The following ZNF804A variants were observed in gnomAD, a reference collection of about 807,000 sequenced individuals.
The protein encoded by ZNF804A is zinc finger protein 804A.
ZNF804A carries 2 observed loss-of-function variants against 16.5 expected under a neutral mutation model. That is an observed-to-expected ratio of 0.12 (90% CI 0.05 to 0.38). ZNF804A has a LOEUF of 0.38. Ranked by LOEUF, ZNF804A falls within the 10% of genes least tolerant of loss-of-function variation. The pLI is 0.99. For missense variants in ZNF804A, 1,473 were observed against 1,390.7 expected (o/e 1.06, Z -0.94); for synonymous variants, 534 against 489.6 (o/e 1.09, Z -1.20).
At chr2:184,818,688 TC>T (rs1429862231) in intron 1 of ZNF804A, among the ~76,000 whole-genome samples, 1 of 150,616 alleles carries the variant, frequency 6.6e-6, no homozygotes, top group African/African-American at 2.4e-5. Flanking sequence ...AGACATAGGC[TC>T]AAAAAAAAGG....
chr2:184,628,100 A>T (rs1448631603), intron 1 of ZNF804A, among the ~76,000 whole-genome samples: 1 of 152,150 alleles, frequency 6.6e-6, no homozygotes, highest in Non-Finnish European at 1.5e-5. Context: ...GGATCACCTC[A>T]GGTCTGGAGT....
At chr2:184,900,075 A>C (rs1685154304) in intron 2 of ZNF804A, among the ~76,000 whole-genome samples, 2 of 152,080 alleles carry the variant, frequency 1.3e-5, no homozygotes, top group South Asian at 4.1e-4. Flanking sequence ...TCTAAGAAAA[A>C]TTTTTACATG....
chr2:184,731,942 T>C (rs955727973), intron 1 of ZNF804A, among the ~76,000 whole-genome samples: 1 of 152,166 alleles, frequency 6.6e-6, no homozygotes, highest in Admixed American at 6.5e-5. Flanking sequence ...TCTTTGTATA[T>C]TTTGATAACA....
At chr2:184,777,947 A>G (rs1472392541) in intron 1 of ZNF804A, among the ~76,000 whole-genome samples, 1 of 151,720 alleles carries the variant, frequency 6.6e-6, no homozygotes, top group Non-Finnish European at 1.5e-5. Context: ...TGAACAGCAT[A>G]CTGTAATATA....
At chr2:184,613,472 C>T (rs78383441) in intron 1 of ZNF804A, among the ~76,000 whole-genome samples, 1 of 152,204 alleles carries the variant, frequency 6.6e-6, no homozygotes, top group Non-Finnish European at 1.5e-5. Flanking sequence ...TTCTGGCCGA[C>T]CAATATAATA....
At position 184,734,536 on chromosome 2, in the gene ZNF804A, T is replaced by C. The variant is rs1693578606; in HGVS notation, c.112-131833T>C. On this transcript the variant is annotated intron_variant, in intron 1 of 3. Transcript: ENST00000302277. ...CATTGTGGTCTGTGAGTAAACATTA[T>C]ATGATTCCTCTTATTTTATGATTTG... 1.3e-5 allele frequency among the ~76,000 whole-genome samples: 2 copies of C among 152,338 alleles called. 1 individual carries two copies. The highest frequency in any genetic ancestry group is 4.1e-4 in the South Asian group (2 of 4,828).
At chr2:184,830,371 G>T (rs367636789) in intron 1 of ZNF804A, among the ~76,000 whole-genome samples, 4 of 152,076 alleles carry the variant, frequency 2.6e-5, no homozygotes, top group African/African-American at 9.7e-5. Flanking sequence ...TTTACCTTGA[G>T]ATATAATATG....
intron 1 of ZNF804A, among the ~76,000 whole-genome samples, chr2:184,604,541 A>C (rs1329823011): frequency 1.3e-5 from 2 of 152,124 alleles, no homozygotes; most frequent in African/African-American, 4.8e-5. Context: ...TAATGGAATT[A>C]TATTCAGGGC....
intron 1 of ZNF804A, among the ~76,000 whole-genome samples, chr2:184,803,198 T>C (rs1694751738): frequency 6.6e-6 from 1 of 152,168 alleles, no homozygotes; most frequent in South Asian, 2.1e-4. Context: ...GCCTTTGCAG[T>C]GTCTGTTTCC....
At chr2:184,907,061 A>G (rs922254715) in intron 2 of ZNF804A, among the ~76,000 whole-genome samples, 1 of 152,190 alleles carries the variant, frequency 6.6e-6, no homozygotes, top group African/African-American at 2.4e-5. Context: ...GTAAGCTCAG[A>G]AACAGATATT....
chr2:184,615,291 G>A (rs1216923016), intron 1 of ZNF804A, among the ~76,000 whole-genome samples: 1 of 152,102 alleles, frequency 6.6e-6, no homozygotes. Flanking sequence ...GATGGGTGCA[G>A]CAAACCACCA....
intron 1 of ZNF804A, among the ~76,000 whole-genome samples, chr2:184,801,025 A>T (rs1443374866): frequency 6.6e-6 from 1 of 151,880 alleles, no homozygotes; most frequent in Non-Finnish European, 1.5e-5. Context: ...GATGACTTTC[A>T]TCAGTTTTTA....
At position 184,598,790 on chromosome 2, in the gene ZNF804A, C is replaced by T. The variant is rs1169770402; in HGVS notation, c.-170C>T. ...GCATGCGGAGGCGGGGGAGCCTCGG[C>T]GCTCACCACAGAGGGGTGCAGTGAG... On this transcript the variant is annotated 5_prime_UTR_variant, in exon 1 of 4. Transcript: ENST00000302277. 3 of 388,530 alleles carry T rather than the reference C, an allele frequency of 7.7e-6. No individual in the cohort carries two copies. The highest frequency in any genetic ancestry group is 1.4e-5 in the Non-Finnish European group (3 of 222,108). The allele number at this position is 388,530 out of a possible 1,614,324, so 24.1% of individuals were successfully genotyped here.
chr2:184,647,253 C>G (rs1691893644), intron 1 of ZNF804A, among the ~76,000 whole-genome samples: 1 of 152,168 alleles, frequency 6.6e-6, no homozygotes, highest in Non-Finnish European at 1.5e-5. Context: ...AAACCTTACC[C>G]TCACTAAAAT....
chr2:184,766,864 C>T (rs1291637478), intron 1 of ZNF804A, among the ~76,000 whole-genome samples: 1 of 152,050 alleles, frequency 6.6e-6, no homozygotes, highest in East Asian at 1.9e-4. Flanking sequence ...GAATCCTAAC[C>T]TCCAATGGTA....
chr2:184,938,803 C>T lies in ZNF804A; in HGVS notation c.3407C>T (p.Pro1136Leu). The T allele has an allele frequency of 6.2e-7, 1 of 1,613,866 alleles. No individual in the cohort carries two copies. Among genetic ancestry groups the T allele is most frequent in the Non-Finnish European group, 8.5e-7 (1 of 1,179,900 alleles). The change falls in exon 4 of 4, where the codon CCA becomes CTA. Residue 1136 changes from proline (P) to leucine (L), a missense_variant. Transcript: ENST00000302277. ...CACCAACAGTTTCTTTCCCAAATCC[C>T]AGCTCTCACCAGAACCTCATTACCT... ...QPHQQFLSQI[P>L]ALTRTSLPQL...
At chr2:184,779,450 C>G (rs1021293448) in intron 1 of ZNF804A, among the ~76,000 whole-genome samples, 14 of 151,848 alleles carry the variant, frequency 9.2e-5, no homozygotes, top group African/African-American at 3.1e-4. Flanking sequence ...TCCCCAGAAC[C>G]TGTGAATATG....
intron 1 of ZNF804A, among the ~76,000 whole-genome samples, chr2:184,680,374 G>C (rs900469876): frequency 6.6e-6 from 1 of 152,106 alleles, no homozygotes; most frequent in Non-Finnish European, 1.5e-5. Context: ...CTTGCCTGTG[G>C]AGAGGAACTA....
chr2:184,627,217 T>C (rs1691519931), intron 1 of ZNF804A, among the ~76,000 whole-genome samples: 5 of 152,264 alleles, frequency 3.3e-5, no homozygotes, highest in Admixed American at 2.0e-4. Context: ...ATTAAGATTA[T>C]CTATCTTGAC....
Sources: allele counts gnomAD v4.1 joint callset (sites outside exome capture counted in the v4.1 genomes callset), GRCh38; gene constraint gnomAD v4.1.1; transcripts MANE v1.5; gene names NCBI Gene and HGNC (gene_info 2026-07-23, HGNC 2026-07-21).